KIRREL3: variants seen among roughly 807,000 people sequenced by gnomAD.
The protein encoded by KIRREL3 is kirre like nephrin family adhesion molecule 3, also known as kin of IRRE-like protein 3.
In KIRREL3, 36 loss-of-function variants were observed where a neutral mutation model predicts 89.7. The observed-to-expected ratio is 0.40, with a 90% confidence interval of 0.31 to 0.53. The LOEUF (loss-of-function observed/expected upper bound fraction) is 0.53, where lower values mean the gene tolerates loss of function less well. Ranked by LOEUF, KIRREL3 falls within the 20% of genes least tolerant of loss-of-function variation. The pLI is 0.49. For synonymous variants in KIRREL3, 445 were observed against 441.4 expected (o/e 1.01, Z -0.10); for missense variants, 864 against 1,056.6 (o/e 0.82, Z 2.53).
At position 126,528,546 on chromosome 11, in the gene KIRREL3, G is replaced by T. The variant is rs1958835760; in HGVS notation, c.134-1859C>A. 6.6e-6 allele frequency among the ~76,000 whole-genome samples: 1 copy of T among 152,116 alleles called. No individual in the cohort carries two copies. The highest frequency in any genetic ancestry group is 1.5e-5 in the Non-Finnish European group (1 of 68,024). On this transcript the variant is annotated intron_variant, in intron 2 of 16. Coordinates refer to ENST00000525144, the MANE Select transcript of KIRREL3 (RefSeq NM_032531.4). The surrounding 1 kb of genome is among the most constrained non-coding windows in gnomAD (Gnocchi z 4.6). ...AGGAGTCTCATTAAAAATCAAATTGGCCTTGAATTGTGGGAGTAACACTTT... is the reference window on the plus strand; with the variant it reads ...AGGAGTCTCATTAAAAATCAAATTGTCCTTGAATTGTGGGAGTAACACTTT...
In KIRREL3 at chr11:126,553,979, C is replaced by T. The variant is rs1373413833; in HGVS notation, c.133+8856G>A. Among the ~76,000 whole-genome samples the T allele has an allele frequency of 1.3e-5, 2 of 152,238 alleles. No individual in the cohort carries two copies. Among genetic ancestry groups the T allele is most frequent in the African/African-American group, 4.8e-5 (2 of 41,458 alleles). On this transcript the variant is annotated intron_variant, in intron 2 of 16. Coordinates refer to ENST00000525144, the MANE Select transcript of KIRREL3 (RefSeq NM_032531.4). This position sits in a 1 kb window ranked among gnomAD's most constrained non-coding sequence, Gnocchi z 4.7. ...TTGGAACTGCTGTCTGTCAACCAAA[C>T]AGCTCCTGAGTCAATCAAGAGCTGT...
chr11:126,506,297 C>G (rs1473451759), intron 4 of KIRREL3, among the ~76,000 whole-genome samples: 2 of 152,040 alleles, frequency 1.3e-5, no homozygotes, highest in African/African-American at 4.8e-5. Context: ...TCATAAGACA[C>G]CATTAAGTAA....
intron 7 of KIRREL3, among the ~76,000 whole-genome samples, chr11:126,449,921 G>A (rs567825557): frequency 1.3e-5 from 2 of 152,376 alleles, no homozygotes; most frequent in East Asian, 3.9e-4. Context: ...CTTGCAGCCT[G>A]GCTTTGCTCC....
chr11:126,911,956 C>T (rs1398825943), intron 1 of KIRREL3, among the ~76,000 whole-genome samples: 9 of 127,754 alleles, frequency 7.0e-5, no homozygotes, highest in African/African-American at 2.5e-4. Context: ...GCACTCCAGC[C>T]TGGGCGACAG....
chr11:126,566,137 GA>G lies in KIRREL3; in HGVS notation c.56-3226del, dbSNP rs5795504. Reference sequence around the variant, plus strand: ...CCCAGATACTCTAAAGCTGGCTATGGAAAAATAATTACCATGAAAGGAGTCA... The same window carrying G: ...CCCAGATACTCTAAAGCTGGCTATGGAAAATAATTACCATGAAAGGAGTCA... On this transcript the variant is annotated intron_variant, in intron 1 of 16. Coordinates refer to ENST00000525144, the MANE Select transcript of KIRREL3 (RefSeq NM_032531.4). This position sits in a 1 kb window ranked among gnomAD's most constrained non-coding sequence, Gnocchi z 4.9. Among the ~76,000 whole-genome samples the G allele has an allele frequency of 0.46, 69,154 of 151,920 alleles. 16,913 individuals carry two copies. The highest frequency in any genetic ancestry group is 0.63 in the African/African-American group (26,107 of 41,402).
rs1195197980 is a variant in KIRREL3, at chr11:126,486,609, T to G, written c.434-13143A>C. On this transcript the variant is annotated intron_variant, in intron 4 of 16. Coordinates refer to ENST00000525144, the MANE Select transcript of KIRREL3 (RefSeq NM_032531.4). The surrounding 1 kb of genome is among the most constrained non-coding windows in gnomAD (Gnocchi z 6.2). ...GGTGGGAAAAGCCCATCATGGTGGC[T>G]GCCGTGGACTTGTATAATCCATGCT... Among the ~76,000 whole-genome samples, 1 of 152,238 alleles carries G rather than the reference T, an allele frequency of 6.6e-6. No individual in the cohort carries two copies. Among genetic ancestry groups the G allele is most frequent in the Non-Finnish European group, 1.5e-5 (1 of 68,042 alleles).
chr11:126,777,860 G>A (rs1381441179), intron 1 of KIRREL3, among the ~76,000 whole-genome samples: 2 of 152,090 alleles, frequency 1.3e-5, no homozygotes, highest in Non-Finnish European at 1.5e-5. Context: ...CAGGAACCAT[G>A]TTGAATCATC....
intron 1 of KIRREL3, among the ~76,000 whole-genome samples, chr11:126,875,783 T>C (rs898305774): frequency 1.3e-5 from 2 of 152,242 alleles, no homozygotes; most frequent in Non-Finnish European, 2.9e-5. Flanking sequence ...CTTCATAATA[T>C]GTACTTCACA....
At chr11:126,572,741 C>T (rs1420742099) in intron 1 of KIRREL3, among the ~76,000 whole-genome samples, 1 of 152,118 alleles carries the variant, frequency 6.6e-6, no homozygotes, top group Admixed American at 6.5e-5. Flanking sequence ...GAATGCCTGC[C>T]TACTCAGGGT....
intron 1 of KIRREL3, among the ~76,000 whole-genome samples, chr11:126,661,685 A>G (rs2135016604): frequency 6.6e-6 from 1 of 152,336 alleles, no homozygotes. Flanking sequence ...AGTGGTGCTC[A>G]TCATTGGCTG....
rs556757665 is a variant in KIRREL3, at chr11:126,503,560, C to T, written c.433+17755G>A. On this transcript the variant is annotated intron_variant, in intron 4 of 16. Coordinates refer to ENST00000525144, the MANE Select transcript of KIRREL3 (RefSeq NM_032531.4). The stretch of plus-strand genomic sequence containing the variant: ...GGGGAAGGAACCCAACCCTTCTGAG[C>T]CATAGTTTCCTAAAAACAAAGAGGT... Among the ~76,000 whole-genome samples, 5 of 152,202 alleles carry T rather than the reference C, an allele frequency of 3.3e-5. No individual in the cohort carries two copies. In the South Asian group the frequency reaches 1.0e-3, roughly 32 times the overall value.
In KIRREL3 at chr11:126,778,055, A is replaced by AG. The variant is rs1434378088; in HGVS notation, c.56-215144_56-215143insC. Among the ~76,000 whole-genome samples the AG allele has an allele frequency of 1.3e-5, 2 of 151,976 alleles. No individual in the cohort carries two copies. Among genetic ancestry groups the AG allele is most frequent in the Non-Finnish European group, 2.9e-5 (2 of 67,966 alleles). Reference sequence around the variant, plus strand: ...TACATGCTCATTGTAGAAAAAAAAAAAAAAAGAAAAACTATAGACAATCCA... The same window carrying AG: ...TACATGCTCATTGTAGAAAAAAAAAAGAAAAAGAAAAACTATAGACAATCCA... On this transcript the variant is annotated intron_variant, in intron 1 of 16. Transcript: ENST00000525144. The surrounding 1 kb of genome is among the most constrained non-coding windows in gnomAD (Gnocchi z 4.5).
chr11:126,990,637 A>G lies in KIRREL3; in HGVS notation c.55+9818T>C, dbSNP rs1251737653. On this transcript the variant is annotated intron_variant, in intron 1 of 16. Transcript: ENST00000525144. This position sits in a 1 kb window ranked among gnomAD's most constrained non-coding sequence, Gnocchi z 6.3. The stretch of plus-strand genomic sequence containing the variant: ...CCCCAGCTCTTGGTGCGGCTTCAGA[A>G]GAACAGCTCCTCTCTGCCTCCGCAG... 6.6e-6 allele frequency among the ~76,000 whole-genome samples: 1 copy of G among 152,248 alleles called. No individual in the cohort carries two copies. The highest frequency in any genetic ancestry group is 1.5e-5 in the Non-Finnish European group (1 of 68,040).
In KIRREL3 at chr11:126,795,969, T is replaced by C. The variant is rs1245740041; in HGVS notation, c.55+204486A>G. On this transcript the variant is annotated intron_variant, in intron 1 of 16. Coordinates refer to ENST00000525144, the MANE Select transcript of KIRREL3 (RefSeq NM_032531.4). The surrounding 1 kb of genome is among the most constrained non-coding windows in gnomAD (Gnocchi z 4.1). ...CAGAAATGAGAGTACATTTTTCACG[T>C]TGAGCTAGTACCTTGTCTGCTTATG... Among the ~76,000 whole-genome samples, 5 of 152,250 alleles carry C rather than the reference T, an allele frequency of 3.3e-5. No individual in the cohort carries two copies. In the East Asian group the frequency reaches 9.7e-4, roughly 29 times the overall value.
At chr11:126,810,465 G>A (rs903522359) in intron 1 of KIRREL3, among the ~76,000 whole-genome samples, 1 of 152,118 alleles carries the variant, frequency 6.6e-6, no homozygotes, top group Non-Finnish European at 1.5e-5. Context: ...AAACCCCCAA[G>A]TCCCTTTGGA....
intron 1 of KIRREL3, among the ~76,000 whole-genome samples, chr11:126,826,173 T>G (rs1943404952): frequency 6.6e-6 from 1 of 152,130 alleles, no homozygotes; most frequent in Non-Finnish European, 1.5e-5. Context: ...GTCTGTGTGG[T>G]CATTAAGTTA....
rs949804533 is a variant in KIRREL3, at chr11:126,732,215, G to A, written c.56-169303C>T. Among the ~76,000 whole-genome samples the A allele has an allele frequency of 2.6e-5, 4 of 152,196 alleles. No individual in the cohort carries two copies. The South Asian group carries it at 6.2e-4, about 24-fold the overall frequency. ...GAGGTTTATAAGTAATGGCTAGAGC[G>A]ATAGAGTAATTAATAGGAAACTATT... On this transcript the variant is annotated intron_variant, in intron 1 of 16. Coordinates refer to ENST00000525144, the MANE Select transcript of KIRREL3 (RefSeq NM_032531.4).
chr11:126,662,639 TC>T (rs1945458735), intron 1 of KIRREL3, among the ~76,000 whole-genome samples: 1 of 152,168 alleles, frequency 6.6e-6, no homozygotes, highest in Admixed American at 6.5e-5. Flanking sequence ...CATAGCCTGA[TC>T]ACCTCTTGGA....
chr11:126,837,237 C>A lies in KIRREL3; in HGVS notation c.55+163218G>T, dbSNP rs954216069. Reference sequence around the variant, plus strand: ...TGTGAAATAGGTTTAATAAAACCAGCCTTAGAACCCTGAGGGAGACAATAC... The same window carrying A: ...TGTGAAATAGGTTTAATAAAACCAGACTTAGAACCCTGAGGGAGACAATAC... On this transcript the variant is annotated intron_variant, in intron 1 of 16. Coordinates refer to ENST00000525144, the MANE Select transcript of KIRREL3 (RefSeq NM_032531.4). The surrounding 1 kb of genome is among the most constrained non-coding windows in gnomAD (Gnocchi z 4.7). Among the ~76,000 whole-genome samples, 1 of 152,122 alleles carries A rather than the reference C, an allele frequency of 6.6e-6. No homozygotes were observed. Among genetic ancestry groups the A allele is most frequent in the Non-Finnish European group, 1.5e-5 (1 of 68,032 alleles).
Sources: allele counts gnomAD v4.1 joint callset (sites outside exome capture counted in the v4.1 genomes callset), GRCh38; gene constraint gnomAD v4.1.1; non-coding constraint Gnocchi (gnomAD v3.1); transcripts MANE v1.5; gene names NCBI Gene and HGNC (gene_info 2026-07-23, HGNC 2026-07-21).